The following PCGF6 variants were observed in gnomAD, a reference collection of about 807,000 sequenced individuals.
PCGF6 encodes the protein polycomb group RING finger protein 6.
In PCGF6, 24 loss-of-function variants were observed where a neutral mutation model predicts 45.5. The observed-to-expected ratio is 0.53, with a 90% CI of 0.38 to 0.74. PCGF6 has a LOEUF of 0.74. PCGF6 is among the 30% of genes least tolerant of loss of function. PCGF6 has a pLI of 0.00. For synonymous variants in PCGF6, 152 were observed against 162.1 expected (o/e 0.94, Z 0.47); for missense variants, 356 against 443.2 (o/e 0.80, Z 1.77).
At chr10:103,347,885 C>A (rs75266352) in intron 3 of PCGF6, among the ~76,000 whole-genome samples, 1 of 152,070 alleles carries the variant, frequency 6.6e-6, no homozygotes, top group Non-Finnish European at 1.5e-5. Flanking sequence ...CATAAGAATA[C>A]GAGTTGAGGG....
At chr10:103,339,230 A>C (rs1017651905) in intron 6 of PCGF6, among the ~76,000 whole-genome samples, 2 of 151,246 alleles carry the variant, frequency 1.3e-5, no homozygotes, top group Non-Finnish European at 2.9e-5. Context: ...CTTGGGCAAT[A>C]TGGTAAAAAA....
chr10:103,346,753 G>A lies in PCGF6; in HGVS notation c.673+485C>T, dbSNP rs1436314228. The stretch of plus-strand genomic sequence containing the variant: ...GAGGTTGCGGTGAGCTGAGATCACA[G>A]CATTGCACTCCAGCCTGGCAACAAG... On this transcript the variant is annotated intron_variant, in intron 5 of 9. Transcript: ENST00000369847. Among the ~76,000 whole-genome samples the A allele has an allele frequency of 7.2e-5, 11 of 152,056 alleles. No individual in the cohort carries two copies. In the East Asian group the frequency reaches 2.1e-3, roughly 29 times the overall value.
chr10:103,333,829 A>G, intron 7 of PCGF6, 96 bp downstream of exon 7: 1 of 805,630 alleles, frequency 1.2e-6, no homozygotes. Context: ...TATTTAAATA[A>G]CTTATTTATA....
chr10:103,340,224 T>C (rs868409174), intron 6 of PCGF6, among the ~76,000 whole-genome samples: 10 of 143,396 alleles, frequency 7.0e-5, no homozygotes, highest in Non-Finnish European at 1.2e-4. Flanking sequence ...TATATATATT[T>C]TATATACATA....
chr10:103,305,225 T>C (rs1173495517), intron 9 of PCGF6, among the ~76,000 whole-genome samples: 1 of 152,032 alleles, frequency 6.6e-6, no homozygotes, highest in Non-Finnish European at 1.5e-5. Flanking sequence ...TACCCCCATC[T>C]TGGCTTCCCA....
chr10:103,334,352 ATACT>A (rs949367778), intron 6 of PCGF6, among the ~76,000 whole-genome samples: 1 of 152,146 alleles, frequency 6.6e-6, no homozygotes, highest in African/African-American at 2.4e-5. Flanking sequence ...ATCAGCTCAC[ATACT>A]TATTTTACTG....
Position 103,338,063 on chromosome 10 carries a change from CAAAAAAAA to C in PCGF6, c.783-4119_783-4112del, listed in dbSNP as rs35839501. 1.0e-3 allele frequency among the ~76,000 whole-genome samples: 28 copies of C among 26,850 alleles called. 9 individuals are homozygous for C. The highest frequency in any genetic ancestry group is 1.9e-3 in the Non-Finnish European group (27 of 13,852). 17.6% of individuals were successfully genotyped at this position (26,850 alleles called of 152,430 possible). On this transcript the variant is annotated intron_variant, in intron 6 of 9. Coordinates refer to ENST00000369847, the MANE Select transcript of PCGF6 (RefSeq NM_001011663.2). The stretch of plus-strand genomic sequence containing the variant: ...TGGGTGACAGAGCGAGACTCCGTCT[CAAAAAAAA>C]AAAAAAAAAAAAATACAAAATTAGC...
intron 5 of PCGF6, among the ~76,000 whole-genome samples, chr10:103,346,101 CAGG>C (rs1273306397): frequency 6.7e-6 from 1 of 149,266 alleles, no homozygotes; most frequent in Non-Finnish European, 1.5e-5. Context: ...GAGGCCAAGG[CAGG>C]AGAATTGCTT....
At chr10:103,348,589 T>C in intron 3 of PCGF6, 127 bp downstream of exon 3, 2 of 715,378 alleles carry the variant, frequency 2.8e-6, no homozygotes, top group South Asian at 4.0e-5. Flanking sequence ...CCTCCCAAAG[T>C]GCTGGGATTA....
chr10:103,334,686 A>G (rs2093250569), intron 6 of PCGF6, among the ~76,000 whole-genome samples: 1 of 152,026 alleles, frequency 6.6e-6, no homozygotes, highest in Admixed American at 6.6e-5. Context: ...TTTCCTTTTC[A>G]CCTAGAAGCC....
At chr10:103,347,765 T>G (rs1002104664) in intron 3 of PCGF6, among the ~76,000 whole-genome samples, 3 of 152,158 alleles carry the variant, frequency 2.0e-5, no homozygotes, top group Admixed American at 2.0e-4. Flanking sequence ...CATGGCTCAC[T>G]GCAGCCTCCA....
chr10:103,315,258 T>C (rs1564724629), intron 8 of PCGF6, among the ~76,000 whole-genome samples: 1 of 152,142 alleles, frequency 6.6e-6, no homozygotes, highest in Non-Finnish European at 1.5e-5. Flanking sequence ...CAATCATAGC[T>C]CATTGCAGCC....
chr10:103,311,640 C>T (rs1296732614), intron 9 of PCGF6, among the ~76,000 whole-genome samples: 1 of 151,282 alleles, frequency 6.6e-6, no homozygotes, highest in African/African-American at 2.4e-5. Context: ...GAGATATTTA[C>T]CATATGTTTT....
intron 6 of PCGF6, among the ~76,000 whole-genome samples, chr10:103,337,883 C>T (rs1390668947): frequency 9.3e-6 from 1 of 107,148 alleles, no homozygotes; most frequent in Admixed American, 9.6e-5. Flanking sequence ...GCTAAAACGG[C>T]GAAACCCCGT....
At chr10:103,340,773 C>A (rs1412697541) in intron 6 of PCGF6, among the ~76,000 whole-genome samples, 1 of 151,826 alleles carries the variant, frequency 6.6e-6, no homozygotes, top group Non-Finnish European at 1.5e-5. Flanking sequence ...ATTTTCTTTT[C>A]GTATTTTTTT....
intron 6 of PCGF6, among the ~76,000 whole-genome samples, chr10:103,335,687 G>C (rs1321871069): frequency 6.6e-6 from 1 of 151,770 alleles, no homozygotes; most frequent in African/African-American, 2.4e-5. Flanking sequence ...AAAAAAATAG[G>C]CTGGGCGAGG....
chr10:103,343,947 C>T (rs2093290501), intron 6 of PCGF6, among the ~76,000 whole-genome samples: 1 of 151,398 alleles, frequency 6.6e-6, no homozygotes, highest in African/African-American at 2.4e-5. Context: ...CTATCTATCT[C>T]ACATATACAC....
intron 1 of PCGF6, 67 bp downstream of exon 1, chr10:103,350,640 A>T (rs539814853): frequency 7.4e-7 from 1 of 1,351,350 alleles, no homozygotes; most frequent in East Asian, 3.0e-5. Flanking sequence ...GGCGCCCGGC[A>T]GACGAGGGCC....
At chr10:103,326,115 T>C (rs941063529) in intron 8 of PCGF6, among the ~76,000 whole-genome samples, 4 of 151,956 alleles carry the variant, frequency 2.6e-5, no homozygotes, top group Admixed American at 1.3e-4. Context: ...GCATTAACAA[T>C]GTCCAGGCGC....
Sources: allele counts gnomAD v4.1 joint callset (sites outside exome capture counted in the v4.1 genomes callset), GRCh38; gene constraint gnomAD v4.1.1; transcripts MANE v1.5; gene names NCBI Gene and HGNC (gene_info 2026-07-23, HGNC 2026-07-21).